The following AGAP1 variants were observed in gnomAD, a reference collection of about 807,000 sequenced individuals.
AGAP1 encodes arf-GAP with GTPase, ANK repeat and PH domain-containing protein 1.
A neutral mutation model predicts 105.3 loss-of-function variants in AGAP1; 29 were observed. That is an observed-to-expected ratio of 0.28 (90% CI 0.21 to 0.38). The LOEUF (loss-of-function observed/expected upper bound fraction) is 0.38, where lower values mean the gene tolerates loss of function less well. AGAP1 is among the 10% of genes least tolerant of loss of function. The pLI, the probability that AGAP1 is intolerant of heterozygous loss-of-function variation, is 1.00. For missense variants in AGAP1, 998 were observed against 1,165.1 expected (o/e 0.86, Z 2.09); for synonymous variants, 509 against 485.9 (o/e 1.05, Z -0.63).
rs1951605731 is a variant in AGAP1, at chr2:235,725,624, C to T, written c.310+7980C>T. Reference sequence around the variant, plus strand: ...AGTTGCAACCAAGTGATTATAAACACATGATAATTTTTTAATGAGAATTAT... The same window carrying T: ...AGTTGCAACCAAGTGATTATAAACATATGATAATTTTTTAATGAGAATTAT... On this transcript the variant is annotated intron_variant, in intron 3 of 17. Coordinates refer to ENST00000304032, the MANE Select transcript of AGAP1 (RefSeq NM_001037131.3). The surrounding 1 kb of genome is among the most constrained non-coding windows in gnomAD (Gnocchi z 5.7). Among the ~76,000 whole-genome samples the T allele has an allele frequency of 6.6e-6, 1 of 152,068 alleles. No individual in the cohort carries two copies. Among genetic ancestry groups the T allele is most frequent in the African/African-American group, 2.4e-5 (1 of 41,410 alleles).
At position 235,610,902 on chromosome 2, in the gene AGAP1, G is replaced by A. The variant is rs1946103782; in HGVS notation, c.164-98277G>A. Reference sequence around the variant, plus strand: ...CCTGTAGCCCAGTTTCGTTTCACCTGTCCTCTGCCTGTAATCCTTTTCAGC... The same window carrying A: ...CCTGTAGCCCAGTTTCGTTTCACCTATCCTCTGCCTGTAATCCTTTTCAGC... On this transcript the variant is annotated intron_variant, in intron 1 of 17. Coordinates refer to ENST00000304032, the MANE Select transcript of AGAP1 (RefSeq NM_001037131.3). The surrounding 1 kb of genome is among the most constrained non-coding windows in gnomAD (Gnocchi z 4.9). 2.0e-5 allele frequency among the ~76,000 whole-genome samples: 3 copies of A among 152,024 alleles called. No homozygotes were observed. The highest frequency in any genetic ancestry group is 2.9e-5 in the Non-Finnish European group (2 of 68,020).
At chr2:235,657,933 G>C (rs956637319) in intron 1 of AGAP1, among the ~76,000 whole-genome samples, 1 of 150,232 alleles carries the variant, frequency 6.7e-6, no homozygotes, top group African/African-American at 2.4e-5. Context: ...TGAGGACACA[G>C]GGGGAAGACG....
At chr2:235,923,449 G>A (rs532219940) in intron 11 of AGAP1, among the ~76,000 whole-genome samples, 28 of 152,196 alleles carry the variant, frequency 1.8e-4, no homozygotes, top group African/African-American at 5.3e-4. Flanking sequence ...TACAGGGGCC[G>A]CCACTCACAT....
chr2:235,608,071 G>A lies in AGAP1; in HGVS notation c.164-101108G>A, dbSNP rs1029080767. Among the ~76,000 whole-genome samples the A allele has an allele frequency of 3.3e-5, 5 of 152,176 alleles. No homozygotes were observed. Among genetic ancestry groups the A allele is most frequent in the African/African-American group, 4.8e-5 (2 of 41,448 alleles). The stretch of plus-strand genomic sequence containing the variant: ...CTTCATAGTCTGCCTGTCTCAGAGC[G>A]TGGGCGGGTTGGCATCGTCTGCACG... On this transcript the variant is annotated intron_variant, in intron 1 of 17. Transcript: ENST00000304032. The surrounding 1 kb of genome is among the most constrained non-coding windows in gnomAD (Gnocchi z 5.4).
chr2:235,729,209 C>T lies in AGAP1; in HGVS notation c.310+11565C>T, dbSNP rs191164670. ...GAACCCATCACCATGAAGCCCCCTGCACTAACTAGGGCGTGTGCCCCTTGA... is the reference window on the plus strand; with the variant it reads ...GAACCCATCACCATGAAGCCCCCTGTACTAACTAGGGCGTGTGCCCCTTGA... On this transcript the variant is annotated intron_variant, in intron 3 of 17. Transcript: ENST00000304032. This position sits in a 1 kb window ranked among gnomAD's most constrained non-coding sequence, Gnocchi z 5.0. 1.9e-4 allele frequency among the ~76,000 whole-genome samples: 29 copies of T among 152,308 alleles called. No homozygotes were observed. The highest frequency in any genetic ancestry group is 3.4e-3 in the Middle Eastern group (1 of 294).
At chr2:235,945,697 T>C (rs1459073097) in intron 12 of AGAP1, among the ~76,000 whole-genome samples, 15 of 152,076 alleles carry the variant, frequency 9.9e-5, no homozygotes, top group Non-Finnish European at 1.8e-4. Context: ...CCTGTATGAA[T>C]CCGTTCTCAC....
chr2:236,024,501 TC>T (rs1277049537), intron 13 of AGAP1, among the ~76,000 whole-genome samples: 3 of 152,148 alleles, frequency 2.0e-5, no homozygotes, highest in East Asian at 1.9e-4. Context: ...CACCCACTTC[TC>T]CCCCATGCAT....
Position 235,792,082 on chromosome 2 carries a change from C to G in AGAP1, c.674-5677C>G, listed in dbSNP as rs2150014079. ...ACTTTATAATCCCTACCTAACAGTG[C>G]TTACTCGGAATTGCTCCCCCGCCTC... On this transcript the variant is annotated intron_variant, in intron 6 of 17. Transcript: ENST00000304032. This position sits in a 1 kb window ranked among gnomAD's most constrained non-coding sequence, Gnocchi z 5.3. Among the ~76,000 whole-genome samples, 1 of 152,188 alleles carries G rather than the reference C, an allele frequency of 6.6e-6. No individual in the cohort carries two copies. Among genetic ancestry groups the G allele is most frequent in the Middle Eastern group, 3.4e-3 (1 of 294 alleles).
chr2:235,698,984 C>T (rs1402872851), intron 1 of AGAP1, among the ~76,000 whole-genome samples: 2 of 152,092 alleles, frequency 1.3e-5, no homozygotes, highest in African/African-American at 4.8e-5. Context: ...AGGAGAGGAG[C>T]ACAGGGGAGC....
At chr2:235,649,757 G>T (rs1947520482) in intron 1 of AGAP1, among the ~76,000 whole-genome samples, 1 of 152,168 alleles carries the variant, frequency 6.6e-6, no homozygotes, top group Admixed American at 6.5e-5. Context: ...TACGCTGTAG[G>T]TTCTATCACG....
Position 235,801,590 on chromosome 2 carries a change from C to G in AGAP1, c.957+2068C>G, listed in dbSNP as rs976654276. Reference sequence around the variant, plus strand: ...CACCTGGAGCAGCCCCTGTCTACCCCCAGGCTGGGGGGCTTTGGGTTGAAG... The same window carrying G: ...CACCTGGAGCAGCCCCTGTCTACCCGCAGGCTGGGGGGCTTTGGGTTGAAG... On this transcript the variant is annotated intron_variant, in intron 8 of 17. Coordinates refer to ENST00000304032, the MANE Select transcript of AGAP1 (RefSeq NM_001037131.3). The surrounding 1 kb of genome is among the most constrained non-coding windows in gnomAD (Gnocchi z 6.0). 2.0e-5 allele frequency among the ~76,000 whole-genome samples: 3 copies of G among 152,046 alleles called. No individual in the cohort carries two copies. The highest frequency in any genetic ancestry group is 4.2e-4 in the South Asian group (2 of 4,790).
In AGAP1 at chr2:236,040,975, G is replaced by A. The variant is rs2057532860; in HGVS notation, c.1891+134G>A. On this transcript the variant is annotated intron_variant, in intron 15 of 17. Transcript: ENST00000304032. The surrounding 1 kb of genome is among the most constrained non-coding windows in gnomAD (Gnocchi z 5.6). ...GAGTTAACTGCTTTTAGGAAATTGA[G>A]ATATTTTGTTTGGATTTTACCTTAA... 3.4e-6 allele frequency: 3 copies of A among 881,100 alleles called. No homozygotes were observed. The highest frequency in any genetic ancestry group is 2.6e-5 in the East Asian group (1 of 37,850). The allele number at this position is 881,100 out of a possible 1,614,324, so 54.6% of individuals were successfully genotyped here. A position where few individuals can be genotyped will look rare whatever the true frequency, so the allele number is the denominator to read the frequency against.
rs1943993575 is a variant in AGAP1, at chr2:235,556,967, G to A, written c.163+62118G>A. Among the ~76,000 whole-genome samples the A allele has an allele frequency of 6.6e-6, 1 of 152,166 alleles. No individual in the cohort carries two copies. On this transcript the variant is annotated intron_variant, in intron 1 of 17. Coordinates refer to ENST00000304032, the MANE Select transcript of AGAP1 (RefSeq NM_001037131.3). This position sits in a 1 kb window ranked among gnomAD's most constrained non-coding sequence, Gnocchi z 5.3. ...GGTTTGATCATTTTCTGAGGATATA[G>A]CGTTTAGTGCACACCTCTTTTGTGC...
At chr2:235,878,521 G>A (rs1048186756) in intron 9 of AGAP1, among the ~76,000 whole-genome samples, 2 of 152,082 alleles carry the variant, frequency 1.3e-5, no homozygotes, top group African/African-American at 4.8e-5. Context: ...TGGGCACCCC[G>A]TTCCTGGAAT....
chr2:235,892,838 A>T (rs114100443), intron 10 of AGAP1, among the ~76,000 whole-genome samples: 1 of 152,184 alleles, frequency 6.6e-6, no homozygotes, highest in Non-Finnish European at 1.5e-5. Context: ...GAACATTGAA[A>T]CAGTCAGAAT....
At chr2:236,048,878 G>A (rs1198778152) in intron 15 of AGAP1, among the ~76,000 whole-genome samples, 181 bp from the exon 16 acceptor site, 1 of 152,194 alleles carries the variant, frequency 6.6e-6, no homozygotes, top group African/African-American at 2.4e-5. Context: ...TACTACCAAC[G>A]GCCAGTCATT....
chr2:235,774,353 TC>T (rs1282577250), intron 6 of AGAP1: 4 of 470,558 alleles, frequency 8.5e-6, no homozygotes, highest in African/African-American at 8.0e-5. Context: ...CAGAGGGAGT[TC>T]CATGACTCAC....
chr2:235,859,809 C>G (rs1477237267), intron 9 of AGAP1, among the ~76,000 whole-genome samples: 1 of 152,222 alleles, frequency 6.6e-6, no homozygotes, highest in African/African-American at 2.4e-5. Context: ...TCAAAAGGCT[C>G]TGAAATGCCT....
rs367778173 is a variant in AGAP1, at chr2:235,578,800, A to AATTT, written c.163+83951_163+83952insATTT. 0.31 allele frequency among the ~76,000 whole-genome samples: 43,389 copies of AATTT among 138,442 alleles called. 7,272 individuals carry two copies. Among genetic ancestry groups the AATTT allele is most frequent in the Middle Eastern group, 0.45 (121 of 270 alleles). 90.8% of individuals were successfully genotyped at this position (138,442 alleles called of 152,430 possible). A position where few individuals can be genotyped will look rare whatever the true frequency, so the allele number is the denominator to read the frequency against. On this transcript the variant is annotated intron_variant, in intron 1 of 17. Transcript: ENST00000304032. The surrounding 1 kb of genome is among the most constrained non-coding windows in gnomAD (Gnocchi z 4.9). ...ACTCAGTCTCAAAAAAAAAAAAAAA[A>AATTT]TTTTTTTTTTACAATAAGCTATTTA...
Sources: gnomAD v4.1 joint callset for allele counts (sites outside exome capture counted in the v4.1 genomes callset) on GRCh38, gnomAD v4.1.1 for gene constraint, Gnocchi (gnomAD v3.1) non-coding constraint, MANE v1.5 for transcripts, NCBI Gene and HGNC (gene_info 2026-07-23, HGNC 2026-07-21) for gene names.